Variants in NUMBL observed in about 807,000 individuals in gnomAD.
NUMBL encodes numb-like protein.
NUMBL carries 20 observed loss-of-function variants against 48.9 expected under a neutral mutation model. The observed-to-expected ratio is 0.41, with a 90% CI of 0.29 to 0.59. The LOEUF is 0.59. Among genes scored for constraint, NUMBL ranks in the 20% least tolerant of loss-of-function variants. The pLI, the probability that NUMBL is intolerant of heterozygous loss-of-function variation, is 0.31. For synonymous variants in NUMBL, 340 were observed against 348.7 expected (o/e 0.98, Z 0.28); for missense variants, 660 against 846.2 (o/e 0.78, Z 2.73).
At chr19:40,679,899 T>C (rs965030288) in intron 6 of NUMBL, among the ~76,000 whole-genome samples, 1 of 152,100 alleles carries the variant, frequency 6.6e-6, no homozygotes, top group Non-Finnish European at 1.5e-5. Context: ...CTAAAGTCAA[T>C]GGTTAAACAA....
chr19:40,678,489 A>G (rs2081889379), intron 6 of NUMBL, among the ~76,000 whole-genome samples: 1 of 147,866 alleles, frequency 6.8e-6, no homozygotes, highest in Admixed American at 6.7e-5. Flanking sequence ...AAAAGGAAAA[A>G]GAGACAAGAG....
chr19:40,672,626 T>C (rs1199105384), intron 8 of NUMBL, among the ~76,000 whole-genome samples: 3 of 152,240 alleles, frequency 2.0e-5, no homozygotes, highest in African/African-American at 4.8e-5. Context: ...ATAACACTCT[T>C]GCTACTCTTT....
At position 40,682,995 on chromosome 19, in the gene NUMBL, G is replaced by GGT; in HGVS notation, c.250-28_250-27insAC. 1 of 1,591,712 alleles carries GGT rather than the reference G, an allele frequency of 6.3e-7. No homozygotes were observed. The highest frequency in any genetic ancestry group is 2.2e-5 in the East Asian group (1 of 44,738). ...TTGGGTTGGAGGGAATGGGGGGGGG[G>GGT]ACATGAAACAGCACAGTAATCACTC... On this transcript the variant is annotated intron_variant, in intron 3 of 9. Transcript: ENST00000252891. This position sits in a 1 kb window ranked among gnomAD's most constrained non-coding sequence, Gnocchi z 4.0.
chr19:40,678,653 C>A (rs527542071), intron 6 of NUMBL, among the ~76,000 whole-genome samples: 1 of 152,142 alleles, frequency 6.6e-6, no homozygotes, highest in African/African-American at 2.4e-5. Flanking sequence ...GTCATTTAAG[C>A]CACACAGTCT....
chr19:40,674,642 G>C (rs1014974654), intron 7 of NUMBL, among the ~76,000 whole-genome samples: 3 of 152,134 alleles, frequency 2.0e-5, no homozygotes, highest in African/African-American at 7.2e-5. Context: ...ATGCAGGCCT[G>C]GCCCAAGGCA....
intron 6 of NUMBL, among the ~76,000 whole-genome samples, chr19:40,678,815 C>T (rs188169289): frequency 1.3e-3 from 195 of 152,292 alleles, no homozygotes; most frequent in African/African-American, 3.2e-3. Flanking sequence ...AAGAATCAGA[C>T]GGTGTGACTG....
Position 40,667,848 on chromosome 19 carries a change from G to T in NUMBL, c.1450C>A (p.Pro484Thr). 1.9e-6 allele frequency: 3 copies of T among 1,591,626 alleles called. No individual in the cohort carries two copies. In the East Asian group the frequency reaches 6.9e-5, roughly 36 times the overall value. Residue 484 changes from proline to threonine, a missense_variant, in exon 10 of 10, where the codon CCA becomes ACA. This residue lies in a region of NUMBL where 296 missense variants were observed against 339.7 expected (regional missense o/e 0.87). Coordinates refer to ENST00000252891, the MANE Select transcript of NUMBL (RefSeq NM_004756.5). This position sits in a 1 kb window ranked among gnomAD's most constrained non-coding sequence, Gnocchi z 6.1. ...GGCACAAAAGGGGGCTGCATGTGTG[G>T]GGGTGGCAGGAACACGGCCACTTGG... is the stretch of plus-strand genomic sequence containing the variant. ...PAQVAVFLPPPHMQPPFVPAY... is the reference protein window; with the variant it reads ...PAQVAVFLPPTHMQPPFVPAY...
chr19:40,680,385 G>A (rs1341378047), intron 6 of NUMBL, among the ~76,000 whole-genome samples: 1 of 151,874 alleles, frequency 6.6e-6, no homozygotes, highest in East Asian at 1.9e-4. Flanking sequence ...CCTGACCTCA[G>A]GTGATCTGCC....
At chr19:40,683,215 G>A (rs372876048) in intron 3 of NUMBL, among the ~76,000 whole-genome samples, 17 of 152,176 alleles carry the variant, frequency 1.1e-4, no homozygotes, top group Non-Finnish European at 7.4e-5. Flanking sequence ...GCCCTAACCC[G>A]GCACCGTGGT....
rs374100923 is a variant in NUMBL, at chr19:40,673,315, C to A, written c.1036+29G>T. 6.4e-7 allele frequency: 1 copy of A among 1,574,342 alleles called. No homozygotes were observed. Among genetic ancestry groups the A allele is most frequent in the Non-Finnish European group, 8.6e-7 (1 of 1,157,830 alleles). ...ATCAGATAGTGCCAATTGATTCCAA[C>A]GCCGTTTCCCACTGGGCCCAGGGCT... On this transcript the variant is annotated intron_variant, in intron 8 of 9. Transcript: ENST00000252891. The surrounding 1 kb of genome is among the most constrained non-coding windows in gnomAD (Gnocchi z 5.9).
chr19:40,675,058 G>A (rs1396997047), intron 7 of NUMBL, among the ~76,000 whole-genome samples: 1 of 139,148 alleles, frequency 7.2e-6, no homozygotes, highest in Admixed American at 7.9e-5. Flanking sequence ...CAGGAGAATC[G>A]CTTGAACCCG....
intron 3 of NUMBL, 61 bp downstream of exon 3, chr19:40,684,351 CCCGCA>C: frequency 1.3e-6 from 2 of 1,492,994 alleles, no homozygotes; most frequent in South Asian, 2.5e-5. Flanking sequence ...AGGCCGCGCA[CCCGCA>C]CAGCACAGCA....
In NUMBL at chr19:40,682,991, G is replaced by A. The variant is rs746620882; in HGVS notation, c.250-23C>T. The A allele has an allele frequency of 4.4e-6, 7 of 1,608,986 alleles. No homozygotes were observed. The South Asian group carries it at 6.6e-5, about 15-fold the overall frequency. On this transcript the variant is annotated intron_variant, in intron 3 of 9. Transcript: ENST00000252891. The surrounding 1 kb of genome is among the most constrained non-coding windows in gnomAD (Gnocchi z 4.0). ...GTACTTGGGTTGGAGGGAATGGGGG[G>A]GGGGACATGAAACAGCACAGTAATC...
intron 8 of NUMBL, among the ~76,000 whole-genome samples, chr19:40,670,289 A>G (rs1307380238): frequency 6.6e-6 from 1 of 152,236 alleles, no homozygotes; most frequent in Non-Finnish European, 1.5e-5. Flanking sequence ...GCCACAAACC[A>G]GAAGAGTTGT....
Position 40,673,251 on chromosome 19 carries a change from A to G in NUMBL, c.1036+93T>C, listed in dbSNP as rs2081857259. The G allele has an allele frequency of 5.4e-6, 7 of 1,303,554 alleles. No homozygotes were observed. Among genetic ancestry groups the G allele is most frequent in the African/African-American group, 1.5e-5 (1 of 67,408 alleles). The allele number at this position is 1,303,554 out of a possible 1,614,324, so 80.7% of individuals were successfully genotyped here. ...TGCCCATGGCAGACAGTGCAAATCAATCACAGTGTGAACCATCTCGCCTCC... is the reference window on the plus strand; with the variant it reads ...TGCCCATGGCAGACAGTGCAAATCAGTCACAGTGTGAACCATCTCGCCTCC... On this transcript the variant is annotated intron_variant, in intron 8 of 9. Transcript: ENST00000252891. The surrounding 1 kb of genome is among the most constrained non-coding windows in gnomAD (Gnocchi z 5.9).
intron 2 of NUMBL, 21 bp downstream of exon 2, chr19:40,686,890 T>A: frequency 6.7e-7 from 1 of 1,502,224 alleles, no homozygotes; most frequent in Non-Finnish European, 9.1e-7. Context: ...AGCCCTGCCC[T>A]GTCCCAGGCT....
intron 6 of NUMBL, among the ~76,000 whole-genome samples, 182 bp downstream of exon 6, chr19:40,680,735 C>T (rs901341480): frequency 6.6e-6 from 1 of 152,214 alleles, no homozygotes; most frequent in African/African-American, 2.4e-5. Flanking sequence ...AGGTGTGAGC[C>T]ACTGCACCCG....
chr19:40,679,169 C>T (rs775222727), intron 6 of NUMBL, among the ~76,000 whole-genome samples: 25 of 152,110 alleles, frequency 1.6e-4, no homozygotes, highest in Non-Finnish European at 2.9e-4. Context: ...GTGACTGGAT[C>T]GCTTGAGTCC....
At chr19:40,680,831 G>C (rs1041145549) in intron 6 of NUMBL, 86 bp downstream of exon 6, 1 of 1,439,154 alleles carries the variant, frequency 6.9e-7, no homozygotes, top group Middle Eastern at 1.9e-4. Context: ...GGTTAGTGAT[G>C]TGCCTGAATG....
Sources: gnomAD v4.1 joint callset for allele counts (sites outside exome capture counted in the v4.1 genomes callset) on GRCh38, gnomAD v4.1.1 for gene constraint, gnomAD v4.1.1 regional missense constraint, Gnocchi (gnomAD v3.1) non-coding constraint, MANE v1.5 for transcripts, NCBI Gene and HGNC (gene_info 2026-07-23, HGNC 2026-07-21) for gene names.